HPCAL4: variants seen among roughly 807,000 people sequenced by gnomAD.
HPCAL4 encodes the protein hippocalcin-like protein 4.
A neutral mutation model predicts 18.2 loss-of-function variants in HPCAL4; 16 were observed. That is an observed-to-expected ratio of 0.88 (90% CI 0.59 to 1.33). HPCAL4 has a LOEUF of 1.33. Among genes scored for constraint, HPCAL4 ranks in the 40% most tolerant of loss-of-function variants. HPCAL4 has a pLI of 0.00. For missense variants in HPCAL4, 214 were observed against 256.6 expected (o/e 0.83, Z 1.14); for synonymous variants, 80 against 97.5 (o/e 0.82, Z 1.06).
At position 39,683,940 on chromosome 1, in the gene HPCAL4, G is replaced by C. The variant is rs1455200639; in HGVS notation, c.375C>G (p.Ile125Met). Residue 125 changes from isoleucine (I) to methionine (M), a missense_variant, in exon 3 of 4, where the codon ATC becomes ATG. By Grantham distance (10) the Ile-to-Met change is conservative. Coordinates refer to ENST00000372844, the MANE Select transcript of HPCAL4 (RefSeq NM_016257.4). ...RITRLEMLEI[I>M]EAIYKMVGTV... is the part of the protein sequence containing the mutation. ...CAGCGCCCGCGCGGCCCCGCACCTCGATGATCTCCAGCATCTCCAGGCGCG... is the reference window on the plus strand; with the variant it reads ...CAGCGCCCGCGCGGCCCCGCACCTCCATGATCTCCAGCATCTCCAGGCGCG... 6.2e-7 allele frequency: 1 copy of C among 1,613,100 alleles called. No individual in the cohort carries two copies. Among genetic ancestry groups the C allele is most frequent in the South Asian group, 1.1e-5 (1 of 91,064 alleles).
intron 1 of HPCAL4, among the ~76,000 whole-genome samples, chr1:39,688,188 C>T (rs983755520): frequency 2.6e-5 from 4 of 152,106 alleles, no homozygotes; most frequent in East Asian, 1.9e-4. Context: ...CCCTTTTGGC[C>T]GCAGTGGAAC....
At chr1:39,688,076 T>C (rs538302) in intron 1 of HPCAL4, among the ~76,000 whole-genome samples, 14,131 of 152,194 alleles carry the variant, frequency 0.093, 948 homozygotes, top group African/African-American at 0.19. Flanking sequence ...GCTGAATCCG[T>C]GCTACCTGCC....
intron 1 of HPCAL4, among the ~76,000 whole-genome samples, chr1:39,684,850 C>T (rs905910128): frequency 6.6e-6 from 1 of 152,210 alleles, no homozygotes; most frequent in Non-Finnish European, 1.5e-5. Context: ...CCGTGCAGCA[C>T]GCCACAGTCT....
At chr1:39,689,986 G>A (rs1308721830) in intron 1 of HPCAL4, among the ~76,000 whole-genome samples, 1 of 152,152 alleles carries the variant, frequency 6.6e-6, no homozygotes, top group Non-Finnish European at 1.5e-5. Context: ...ATCCCAGCTG[G>A]CCACCTACAA....
Position 39,680,266 on chromosome 1 carries a change from C to T in HPCAL4, c.*2270G>A, listed in dbSNP as rs904244913. 6.6e-6 allele frequency: 1 copy of T among 152,226 alleles called. No homozygotes were observed. Among genetic ancestry groups the T allele is most frequent in the African/African-American group, 2.4e-5 (1 of 41,434 alleles). The allele number at this position is 152,226 out of a possible 1,614,324, so 9.4% of individuals were successfully genotyped here. A position where few individuals can be genotyped will look rare whatever the true frequency, so the allele number is the denominator to read the frequency against. ...CTTGGTTCAAGTCTTAGCCCTGTGT[C>T]ACCTCCTGACTATGTGATCTTGCAC... is the stretch of plus-strand genomic sequence containing the variant. On this transcript the variant is annotated 3_prime_UTR_variant, in exon 4 of 4. Coordinates refer to ENST00000372844, the MANE Select transcript of HPCAL4 (RefSeq NM_016257.4).
At chr1:39,690,534 G>C (rs946677183) in intron 1 of HPCAL4, among the ~76,000 whole-genome samples, 7 of 152,130 alleles carry the variant, frequency 4.6e-5, no homozygotes, top group South Asian at 2.1e-4. Flanking sequence ...TGGCTGTGAG[G>C]GGGGAGGGAG....
In HPCAL4 at chr1:39,684,032, C is replaced by T. The variant is rs1344262179; in HGVS notation, c.283G>A (p.Gly95Ser). 7 of 1,613,920 alleles carry T rather than the reference C, an allele frequency of 4.3e-6. No homozygotes were observed. The highest frequency in any genetic ancestry group is 1.3e-5 in the African/African-American group (1 of 74,934). Residue 95 changes from glycine (G) to serine (S), a missense_variant, in exon 3 of 4, where the codon GGC becomes AGC. By Grantham distance (56) the Gly-to-Ser change is moderately conservative. Coordinates refer to ENST00000372844, the MANE Select transcript of HPCAL4 (RefSeq NM_016257.4). ...CAGTTGAGCTTCTGCTCGAAGCTGC[C>T]GCGGGAGGTGACCGACAGGGCGCAG... ...FICALSVTSR[G>S]SFEQKLNWAF... is the part of the protein sequence containing the mutation.
In HPCAL4 at chr1:39,684,141, G is replaced by A. The variant is rs545928247; in HGVS notation, c.174C>T (p.Tyr58=). 95 of 1,611,978 alleles carry A rather than the reference G, an allele frequency of 5.9e-5. No homozygotes were observed. The highest frequency in any genetic ancestry group is 3.8e-4 in the Admixed American group (23 of 59,882). ...FQQLYIKFFP[Y]GDASKFAQHA... is the part of the protein sequence containing the mutation. ...GCTGCGCGAACTTGGAGGCGTCGCC[G>A]TAGGGGAAGAACTGAGGGGGGTGCG... is the stretch of plus-strand genomic sequence containing the variant. The change falls in exon 3 of 4, where the codon TAC becomes TAT. Residue 58 remains tyrosine (Y), a synonymous_variant. Transcript: ENST00000372844.
At chr1:39,690,831 G>A (rs747649821) in intron 1 of HPCAL4, among the ~76,000 whole-genome samples, 5 of 152,030 alleles carry the variant, frequency 3.3e-5, no homozygotes, top group Non-Finnish European at 5.9e-5. Context: ...TGGAGGGGGA[G>A]GCTGTCTTTG....
In HPCAL4 at chr1:39,684,157, G is replaced by C; in HGVS notation, c.163-5C>G. On this transcript the variant is annotated splice_region_variant and splice_polypyrimidine_tract_variant and intron_variant, in intron 2 of 3. Coordinates refer to ENST00000372844, the MANE Select transcript of HPCAL4 (RefSeq NM_016257.4). ...GGCGTCGCCGTAGGGGAAGAACTGA[G>C]GGGGGTGCGGTGGGTTGGGGCGCAG... is the stretch of plus-strand genomic sequence containing the variant. 6.2e-7 allele frequency: 1 copy of C among 1,608,498 alleles called. No individual in the cohort carries two copies. The highest frequency in any genetic ancestry group is 1.7e-5 in the Admixed American group (1 of 59,696).
rs763970544 is a variant in HPCAL4, at chr1:39,684,084, G to A, written c.231C>T (p.Asp77=). Residue 77 remains aspartate (D), a synonymous_variant, in exon 3 of 4, where the codon GAC becomes GAT. Coordinates refer to ENST00000372844, the MANE Select transcript of HPCAL4 (RefSeq NM_016257.4). ...HAFRTFDKNG[D]GTIDFREFIC... is the part of the protein sequence containing the mutation. ...TGAACTCCCGGAAGTCGATGGTGCC[G>A]TCGCCGTTCTTGTCGAAGGTGCGGA... is the stretch of plus-strand genomic sequence containing the variant. 9.3e-6 allele frequency: 15 copies of A among 1,613,988 alleles called. No individual in the cohort carries two copies. Among genetic ancestry groups the A allele is most frequent in the South Asian group, 3.3e-5 (3 of 91,084 alleles).
intron 1 of HPCAL4, among the ~76,000 whole-genome samples, chr1:39,688,877 G>T (rs1460949313): frequency 6.6e-6 from 1 of 152,188 alleles, no homozygotes; most frequent in Non-Finnish European, 1.5e-5. Context: ...GCCTTTTCCA[G>T]TCTGGACAGT....
chr1:39,684,753 C>G, intron 1 of HPCAL4, 142 bp from the exon 2 acceptor site: 1 of 652,262 alleles, frequency 1.5e-6, no homozygotes, highest in African/African-American at 1.9e-5. Flanking sequence ...GCCTCCTCTC[C>G]CCTCACAACA....
At chr1:39,690,128 T>G (rs1285036845) in intron 1 of HPCAL4, among the ~76,000 whole-genome samples, 1 of 152,158 alleles carries the variant, frequency 6.6e-6, no homozygotes, top group African/African-American at 2.4e-5. Context: ...CAGTGAGTTC[T>G]AAACCAACCC....
In HPCAL4 at chr1:39,684,162, G is replaced by A; in HGVS notation, c.163-10C>T. The A allele has an allele frequency of 6.2e-7, 1 of 1,605,586 alleles. No individual in the cohort carries two copies. Among genetic ancestry groups the A allele is most frequent in the African/African-American group, 1.4e-5 (1 of 74,048 alleles). On this transcript the variant is annotated splice_polypyrimidine_tract_variant and intron_variant, in intron 2 of 3. Coordinates refer to ENST00000372844, the MANE Select transcript of HPCAL4 (RefSeq NM_016257.4). ...CGCCGTAGGGGAAGAACTGAGGGGG[G>A]TGCGGTGGGTTGGGGCGCAGCGACA...
Position 39,684,090 on chromosome 1 carries a change from G to T in HPCAL4, c.225C>A (p.Asn75Lys). ...CCCGGAAGTCGATGGTGCCGTCGCC[G>T]TTCTTGTCGAAGGTGCGGAAAGCGT... is the stretch of plus-strand genomic sequence containing the variant. ...AQHAFRTFDKNGDGTIDFREF... is the reference protein window; with the variant it reads ...AQHAFRTFDKKGDGTIDFREF... Residue 75 changes from asparagine (N) to lysine (K), a missense_variant, in exon 3 of 4, where the codon AAC (asparagine) becomes AAA (lysine). Transcript: ENST00000372844. The T allele has an allele frequency of 6.2e-7, 1 of 1,613,940 alleles. No homozygotes were observed. The highest frequency in any genetic ancestry group is 8.5e-7 in the Non-Finnish European group (1 of 1,179,876).
chr1:39,690,789 G>A (rs1646711669), intron 1 of HPCAL4, among the ~76,000 whole-genome samples: 1 of 152,016 alleles, frequency 6.6e-6, no homozygotes, highest in African/African-American at 2.4e-5. Context: ...TGTGGGGACA[G>A]TGTCTGGGGA....
chr1:39,682,087 T>C lies in HPCAL4; in HGVS notation c.*449A>G, dbSNP rs910188914. On this transcript the variant is annotated 3_prime_UTR_variant, in exon 4 of 4. Coordinates refer to ENST00000372844, the MANE Select transcript of HPCAL4 (RefSeq NM_016257.4). The stretch of plus-strand genomic sequence containing the variant: ...CTGGGGCTGGAAGGGCCAGGTAGAG[T>C]AGAAGGGATGGGGAAGAGACCCCCT... The C allele has an allele frequency of 1.1e-5, 2 of 183,206 alleles. No individual in the cohort carries two copies. The highest frequency in any genetic ancestry group is 5.5e-5 in the Admixed American group (1 of 18,046). 11.3% of individuals were successfully genotyped at this position (183,206 alleles called of 1,614,324 possible).
At chr1:39,684,374 C>G in intron 2 of HPCAL4, 68 bp downstream of exon 2, 1 of 1,275,222 alleles carries the variant, frequency 7.8e-7, no homozygotes, top group Non-Finnish European at 1.0e-6. Context: ...CTGCCTCCCT[C>G]ACCCCCGGTT....
Sources: gnomAD v4.1 joint callset for allele counts (sites outside exome capture counted in the v4.1 genomes callset) on GRCh38, gnomAD v4.1.1 for gene constraint, MANE v1.5 for transcripts, NCBI Gene and HGNC (gene_info 2026-07-23, HGNC 2026-07-21) for gene names.